The following TRIM44 variants were observed in gnomAD, a reference collection of about 807,000 sequenced individuals.
TRIM44 encodes the protein tripartite motif containing 44.
A neutral mutation model predicts 37.4 loss-of-function variants in TRIM44; 13 were observed. That is an observed-to-expected ratio of 0.35 (90% CI 0.23 to 0.55). TRIM44 has a LOEUF of 0.55. TRIM44 is among the 20% of genes least tolerant of loss of function. The probability of loss-of-function intolerance (pLI) is 0.89; values close to 1 mark genes in which losing one functional copy is unlikely to be tolerated. For missense variants in TRIM44, 426 were observed against 437.2 expected, an observed-to-expected ratio of 0.97 and a Z score of 0.23; for synonymous variants, 175 against 157.2, an observed-to-expected ratio of 1.11 and a Z score of -0.85.
rs917862396 is a variant in TRIM44, at chr11:35,811,883, C to T, written c.*5498C>T. ...AGGGAGATAAGTCACTCAAGGTCAC[C>T]CAACAAGCCAGGCTGGTAAAGCCCA... On this transcript the variant is annotated 3_prime_UTR_variant, in exon 5 of 5. Transcript: ENST00000299413. 3 of 152,126 alleles carry T rather than the reference C, an allele frequency of 2.0e-5. No homozygotes were observed. The highest frequency in any genetic ancestry group is 7.2e-5 in the African/African-American group (3 of 41,408). The allele number at this position is 152,126 out of a possible 1,614,324, so 9.4% of individuals were successfully genotyped here.
chr11:35,667,550 T>C (rs1314103049), intron 1 of TRIM44, among the ~76,000 whole-genome samples: 2 of 152,188 alleles, frequency 1.3e-5, no homozygotes, highest in Non-Finnish European at 2.9e-5. Flanking sequence ...TATTTTTTAT[T>C]TTGTAGAGAT....
intron 2 of TRIM44, among the ~76,000 whole-genome samples, chr11:35,705,429 A>T (rs2135503836): frequency 6.6e-6 from 1 of 152,312 alleles, no homozygotes. Flanking sequence ...ACATCTACAG[A>T]ATTCTCCACC....
chr11:35,703,736 G>C (rs1478930216), intron 2 of TRIM44, among the ~76,000 whole-genome samples: 4 of 152,078 alleles, frequency 2.6e-5, no homozygotes, highest in Non-Finnish European at 5.9e-5. Flanking sequence ...AAACAGAAAG[G>C]ACATCCACAC....
Position 35,689,244 on chromosome 11 carries a change from C to A in TRIM44, c.747+3908C>A, listed in dbSNP as rs993075599. ...AAAACCAGAGGAAAATCAGGAACAA[C>A]CAGCCATTATGGGTGAGCCTTAGGA... is the stretch of plus-strand genomic sequence containing the variant. On this transcript the variant is annotated intron_variant, in intron 2 of 4. Coordinates refer to ENST00000299413, the MANE Select transcript of TRIM44 (RefSeq NM_017583.6). 5.9e-5 allele frequency among the ~76,000 whole-genome samples: 9 copies of A among 152,254 alleles called. No individual in the cohort carries two copies. In the East Asian group the frequency reaches 1.7e-3, roughly 29 times the overall value.
chr11:35,760,178 A>G (rs1852703433), intron 4 of TRIM44, among the ~76,000 whole-genome samples: 1 of 152,136 alleles, frequency 6.6e-6, no homozygotes, highest in Non-Finnish European at 1.5e-5. Flanking sequence ...TTACCTACTC[A>G]AGCCTCGGTA....
Position 35,771,100 on chromosome 11 carries a change from T to C in TRIM44, c.1008-35258T>C, listed in dbSNP as rs551552663. 5.3e-5 allele frequency among the ~76,000 whole-genome samples: 8 copies of C among 151,906 alleles called. No homozygotes were observed. In the East Asian group the frequency reaches 5.8e-4, roughly 11 times the overall value. On this transcript the variant is annotated intron_variant, in intron 4 of 4. Coordinates refer to ENST00000299413, the MANE Select transcript of TRIM44 (RefSeq NM_017583.6). Reference sequence around the variant, plus strand: ...TTTGGAACTGGGTAACAAGCAGAGGTTGGAACAGTTTGGAGGGCTCACAAG... The same window carrying C: ...TTTGGAACTGGGTAACAAGCAGAGGCTGGAACAGTTTGGAGGGCTCACAAG...
In TRIM44 at chr11:35,733,681, C is replaced by A. The variant is rs1472756653; in HGVS notation, c.988-1745C>A. Among the ~76,000 whole-genome samples, 6 of 152,212 alleles carry A rather than the reference C, an allele frequency of 3.9e-5. No homozygotes were observed. The South Asian group carries it at 1.2e-3, about 32-fold the overall frequency. On this transcript the variant is annotated intron_variant, in intron 3 of 4. Transcript: ENST00000299413. ...CTCAAATGGCTAGTTTGATTTAAAT[C>A]ACCTTTCTGGCTGCAGCTGTACTTT... is the stretch of plus-strand genomic sequence containing the variant.
At chr11:35,754,600 A>G (rs901369006) in intron 4 of TRIM44, among the ~76,000 whole-genome samples, 1 of 151,754 alleles carries the variant, frequency 6.6e-6, no homozygotes, top group African/African-American at 2.4e-5. Context: ...GGTGTGCTGC[A>G]CCCAGTAACT....
chr11:35,797,552 T>C (rs113375609), intron 4 of TRIM44, among the ~76,000 whole-genome samples: 2,331 of 152,276 alleles, frequency 0.015, 28 homozygotes, highest in Middle Eastern at 0.027. Context: ...TCAACAGTGC[T>C]GTCATATTGA....
chr11:35,799,755 T>C (rs909703243), intron 4 of TRIM44, among the ~76,000 whole-genome samples: 4 of 152,194 alleles, frequency 2.6e-5, no homozygotes, highest in African/African-American at 9.6e-5. Context: ...AGTTTATGTA[T>C]ATAGATGTCT....
intron 4 of TRIM44, among the ~76,000 whole-genome samples, chr11:35,793,129 A>G (rs1032403580): frequency 5.3e-5 from 8 of 151,702 alleles, no homozygotes; most frequent in African/African-American, 1.9e-4. Flanking sequence ...CAGCCAGGTT[A>G]CAACAGGAGA....
rs1217817019 is a variant in TRIM44 at position 35,810,300 on chromosome 11, T to C, written c.*3915T>C. 1 of 152,172 alleles carries C rather than the reference T, an allele frequency of 6.6e-6. No homozygotes were observed. Among genetic ancestry groups the C allele is most frequent in the African/African-American group, 2.4e-5 (1 of 41,454 alleles). 9.4% of individuals were successfully genotyped at this position (152,172 alleles called of 1,614,324 possible). On this transcript the variant is annotated 3_prime_UTR_variant, in exon 5 of 5. Transcript: ENST00000299413. ...CCATTCCTGAAATTCCACATTCATA[T>C]AATGGCTGTGCAATACATGCTTCTC...
intron 2 of TRIM44, among the ~76,000 whole-genome samples, chr11:35,687,130 G>A (rs1400322498): frequency 1.3e-5 from 2 of 152,184 alleles, no homozygotes; most frequent in Non-Finnish European, 2.9e-5. Flanking sequence ...TTTATCTTAT[G>A]TCATGCAAAC....
Position 35,807,352 on chromosome 11 carries a change from A to G in TRIM44, c.*967A>G, listed in dbSNP as rs1308833989. On this transcript the variant is annotated 3_prime_UTR_variant, in exon 5 of 5. Coordinates refer to ENST00000299413, the MANE Select transcript of TRIM44 (RefSeq NM_017583.6). Reference sequence around the variant, plus strand: ...TTCCCATTCCATGTGTTCTGAATTCAGCTCATCTCCCAGCATATAGATATA... The same window carrying G: ...TTCCCATTCCATGTGTTCTGAATTCGGCTCATCTCCCAGCATATAGATATA... The G allele has an allele frequency of 1.3e-5, 2 of 152,170 alleles. No individual in the cohort carries two copies. Among genetic ancestry groups the G allele is most frequent in the African/African-American group, 2.4e-5 (1 of 41,440 alleles). The allele number at this position is 152,170 out of a possible 1,614,324, so 9.4% of individuals were successfully genotyped here. A position where few individuals can be genotyped will look rare whatever the true frequency, so the allele number is the denominator to read the frequency against.
At chr11:35,734,212 A>G (rs1283958270) in intron 3 of TRIM44, among the ~76,000 whole-genome samples, 1 of 152,146 alleles carries the variant, frequency 6.6e-6, no homozygotes, top group African/African-American at 2.4e-5. Context: ...TAGCTTCTTA[A>G]TGAATCCTAC....
chr11:35,713,744 T>A (rs1238391574), intron 2 of TRIM44, among the ~76,000 whole-genome samples: 4 of 152,118 alleles, frequency 2.6e-5, no homozygotes, highest in Admixed American at 6.5e-5. Flanking sequence ...GGTTGTTAGC[T>A]CCTTAAGGGA....
chr11:35,678,817 C>T (rs1851493336), intron 1 of TRIM44, among the ~76,000 whole-genome samples: 1 of 152,100 alleles, frequency 6.6e-6, no homozygotes, highest in African/African-American at 2.4e-5. Context: ...CCAGGCTGGT[C>T]TCAAACTCCT....
intron 4 of TRIM44, among the ~76,000 whole-genome samples, chr11:35,794,735 G>T (rs1853259287): frequency 6.6e-6 from 1 of 152,226 alleles, no homozygotes; most frequent in Non-Finnish European, 1.5e-5. Flanking sequence ...GTGGCCCATG[G>T]TTTGCCTGGG....
intron 4 of TRIM44, among the ~76,000 whole-genome samples, chr11:35,774,886 T>G (rs1279043276): frequency 6.6e-6 from 1 of 152,218 alleles, no homozygotes. Context: ...TAGTATAGTT[T>G]GAAGTCAGGT....
Sources: allele counts gnomAD v4.1 joint callset (sites outside exome capture counted in the v4.1 genomes callset), GRCh38; gene constraint gnomAD v4.1.1; transcripts MANE v1.5; gene names NCBI Gene and HGNC (gene_info 2026-07-23, HGNC 2026-07-21).